ZNF423: variants seen among roughly 807,000 people sequenced by gnomAD.
ZNF423 encodes the protein zinc finger protein 423.
In ZNF423, 12 loss-of-function variants were observed where a neutral mutation model predicts 95.8. That is an observed-to-expected ratio of 0.13 (90% confidence interval 0.08 to 0.20). The LOEUF (loss-of-function observed/expected upper bound fraction) is 0.20, where lower values mean the gene tolerates loss of function less well. ZNF423 is among the 10% of genes least tolerant of loss of function. ZNF423 has a pLI of 1.00. For missense variants in ZNF423, 1,316 were observed against 1,737.1 expected (o/e 0.76, Z 4.31); for synonymous variants, 749 against 711.9 (o/e 1.05, Z -0.83).
At chr16:49,770,096 A>C (rs1309092498) in intron 2 of ZNF423, among the ~76,000 whole-genome samples, 1 of 152,204 alleles carries the variant, frequency 6.6e-6, no homozygotes, top group Non-Finnish European at 1.5e-5. Flanking sequence ...CAAGACTGTG[A>C]GCTCTGAGCA....
chr16:49,822,507 G>T (rs1230033010), intron 1 of ZNF423, among the ~76,000 whole-genome samples: 1 of 152,090 alleles, frequency 6.6e-6, no homozygotes, highest in East Asian at 1.9e-4. Context: ...AGTTAGATGG[G>T]GTCAAGATGA....
chr16:49,807,292 G>A (rs1011402697), intron 1 of ZNF423, among the ~76,000 whole-genome samples: 3 of 151,204 alleles, frequency 2.0e-5, no homozygotes, highest in African/African-American at 4.9e-5. Flanking sequence ...TTAGCCGGGC[G>A]TGGTGGCGGG....
chr16:49,547,915 C>A (rs1465385371), intron 5 of ZNF423, among the ~76,000 whole-genome samples: 2 of 152,164 alleles, frequency 1.3e-5, no homozygotes, highest in African/African-American at 4.8e-5. Context: ...AGGACCATCC[C>A]CACCAATTGT....
chr16:49,572,726 G>A (rs1970389942), intron 5 of ZNF423, among the ~76,000 whole-genome samples: 2 of 152,208 alleles, frequency 1.3e-5, no homozygotes, highest in South Asian at 4.1e-4. Context: ...TGAGGAAGGT[G>A]TGGATGGAGC....
At chr16:49,625,636 C>T (rs1972233995) in intron 5 of ZNF423, among the ~76,000 whole-genome samples, 1 of 152,218 alleles carries the variant, frequency 6.6e-6, no homozygotes, top group Non-Finnish European at 1.5e-5. Flanking sequence ...GACTTCACAG[C>T]TTCCCAGGTC....
At chr16:49,734,867 A>C (rs1234477456) in intron 2 of ZNF423, among the ~76,000 whole-genome samples, 1 of 152,208 alleles carries the variant, frequency 6.6e-6, no homozygotes, top group Non-Finnish European at 1.5e-5. Context: ...TGCTTAATCA[A>C]GTGCAGGCAC....
intron 2 of ZNF423, among the ~76,000 whole-genome samples, chr16:49,746,151 T>A (rs536687544): frequency 3.3e-5 from 5 of 152,142 alleles, no homozygotes; most frequent in Non-Finnish European, 7.3e-5. Flanking sequence ...GAGGGCATTC[T>A]GTGAGTGGAA....
At chr16:49,781,689 C>T (rs185735061) in intron 2 of ZNF423, among the ~76,000 whole-genome samples, 1 of 152,314 alleles carries the variant, frequency 6.6e-6, no homozygotes, top group East Asian at 1.9e-4. Flanking sequence ...GGCTTCTGGA[C>T]ATTTCTATCC....
chr16:49,681,761 A>ATTTTCT (rs981030851), intron 3 of ZNF423, among the ~76,000 whole-genome samples: 4 of 151,438 alleles, frequency 2.6e-5, no homozygotes, highest in East Asian at 1.9e-4. Flanking sequence ...TCATATTATG[A>ATTTTCT]TTTTCTTTTT....
chr16:49,825,979 GA>G lies in ZNF423; in HGVS notation c.40+29755del, dbSNP rs975135151. Among the ~76,000 whole-genome samples the G allele has an allele frequency of 1.8e-4, 27 of 152,318 alleles. 1 individual carries two copies. Among genetic ancestry groups the G allele is most frequent in the Admixed American group, 1.1e-3 (17 of 15,306 alleles). On this transcript the variant is annotated intron_variant, in intron 1 of 7. Transcript: ENST00000563137. The stretch of plus-strand genomic sequence containing the variant: ...TAATCCCATTACTTTCGGAGGCCAA[GA>G]CAGGTGGATCTCTTGACCCCAGGAG...
At chr16:49,750,644 C>T (rs147630445) in intron 2 of ZNF423, among the ~76,000 whole-genome samples, 1 of 152,310 alleles carries the variant, frequency 6.6e-6, no homozygotes, top group African/African-American at 2.4e-5. Context: ...CAGAGCAAAA[C>T]CGGGAATGAG....
chr16:49,588,148 C>T (rs1970899960), intron 5 of ZNF423, among the ~76,000 whole-genome samples: 1 of 152,188 alleles, frequency 6.6e-6, no homozygotes, highest in African/African-American at 2.4e-5. Context: ...GAAAACTATT[C>T]CAAGCCTAGG....
At chr16:49,535,205 A>C (rs1969016910) in intron 5 of ZNF423, among the ~76,000 whole-genome samples, 1 of 152,230 alleles carries the variant, frequency 6.6e-6, no homozygotes, top group Non-Finnish European at 1.5e-5. Context: ...TGGGATTACC[A>C]GTGGAGGCTC....
intron 5 of ZNF423, among the ~76,000 whole-genome samples, chr16:49,622,483 A>G (rs1009376584): frequency 6.6e-6 from 1 of 151,978 alleles, no homozygotes; most frequent in Non-Finnish European, 1.5e-5. Context: ...CCTGGCAGAA[A>G]CCCATTGTTC....
intron 5 of ZNF423, among the ~76,000 whole-genome samples, chr16:49,612,994 TAAA>T (rs535982616): frequency 3.6e-5 from 5 of 138,730 alleles, no homozygotes; most frequent in African/African-American, 1.3e-4. Context: ...TTGAAAACTT[TAAA>T]AAAAAAAAAA....
intron 2 of ZNF423, among the ~76,000 whole-genome samples, chr16:49,747,580 G>A (rs2143543331): frequency 6.6e-6 from 1 of 152,120 alleles, no homozygotes; most frequent in South Asian, 2.1e-4. Context: ...CACTCAGCTG[G>A]GTGAACGATT....
chr16:49,856,532 T>C (rs1391082616), upstream of ZNF423, among the ~76,000 whole-genome samples: 2 of 151,088 alleles, frequency 1.3e-5, no homozygotes, highest in Non-Finnish European at 2.9e-5. Flanking sequence ...GAGATTATGA[T>C]GGATGGGGGG....
At chr16:49,700,663 T>C (rs1460581477) in intron 3 of ZNF423, among the ~76,000 whole-genome samples, 5 of 152,186 alleles carry the variant, frequency 3.3e-5, no homozygotes, top group Non-Finnish European at 5.9e-5. Context: ...AAACCTTGAA[T>C]CAATGATGCA....
At chr16:49,841,575 A>G (rs2035183094) in intron 1 of ZNF423, among the ~76,000 whole-genome samples, 1 of 152,196 alleles carries the variant, frequency 6.6e-6, no homozygotes, top group South Asian at 2.1e-4. Context: ...CTCAGGGACC[A>G]AATAAAAAAT....
Sources: gnomAD v4.1 joint callset for allele counts (sites outside exome capture counted in the v4.1 genomes callset) on GRCh38, gnomAD v4.1.1 for gene constraint, MANE v1.5 for transcripts, NCBI Gene and HGNC (gene_info 2026-07-23, HGNC 2026-07-21) for gene names.